The following CCDC7 variants were observed in gnomAD, a reference collection of about 807,000 sequenced individuals.
CCDC7 encodes coiled-coil domain-containing protein 7.
Under a neutral mutation model 196.9 loss-of-function variants are expected in CCDC7, and 183 were observed. That is an observed-to-expected ratio of 0.93 (90% CI 0.82 to 1.05). The LOEUF (loss-of-function observed/expected upper bound fraction) is 1.05. Ranked by LOEUF, CCDC7 falls within the 50% of genes least tolerant of loss-of-function variation. The pLI, the probability that CCDC7 is intolerant of heterozygous loss-of-function variation, is 0.00. For synonymous variants in CCDC7, 525 were observed against 484.6 expected, an observed-to-expected ratio of 1.08 and a Z score of -1.10; for missense variants, 1,540 against 1,482.2, an observed-to-expected ratio of 1.04 and a Z score of -0.64.
intron 13 of CCDC7, among the ~76,000 whole-genome samples, chr10:32,557,658 ATAT>A (rs2054588786): frequency 6.6e-6 from 1 of 152,016 alleles, no homozygotes; most frequent in Admixed American, 6.6e-5. Flanking sequence ...TTAAATTCAG[ATAT>A]TATGATTTTC....
intron 18 of CCDC7, among the ~76,000 whole-genome samples, chr10:32,624,984 GTTTTTTTTTTTTTTTT>G (rs35752534): frequency 1.9e-5 from 1 of 51,660 alleles, no homozygotes; most frequent in African/African-American, 6.2e-5. Context: ...CTTTGCACAA[GTTTTTTTTTTTTTTTT>G]TTTTTTTTTT....
intron 30 of CCDC7, 74 bp from the exon 32 acceptor site, chr10:32,814,296 A>G: frequency 9.9e-7 from 1 of 1,006,074 alleles, no homozygotes; most frequent in Non-Finnish European, 1.6e-6. Context: ...ACATATATGT[A>G]CATGCACTCA....
chr10:32,815,257 G>A (rs2088160834), intron 31 of CCDC7, among the ~76,000 whole-genome samples: 1 of 152,116 alleles, frequency 6.6e-6, no homozygotes, highest in Admixed American at 6.6e-5. Context: ...GCTTGTGAGA[G>A]TCCTACACGT....
At chr10:32,666,984 T>A (rs9418014) in intron 21 of CCDC7, among the ~76,000 whole-genome samples, 51,817 of 151,914 alleles carry the variant, frequency 0.34, 11,259 homozygotes, top group Non-Finnish European at 0.49. Context: ...TAGTTTACAG[T>A]CCCACCAACA....
At chr10:32,572,021 A>C in intron 16 of CCDC7, 128 bp downstream of exon 17, 1 of 861,348 alleles carries the variant, frequency 1.2e-6, no homozygotes, top group Non-Finnish European at 1.6e-6. Context: ...TAAGTAGAAA[A>C]TGTTAGAAAC....
At chr10:32,832,249 C>T (rs778946265) in intron 32 of CCDC7, among the ~76,000 whole-genome samples, 27 of 152,074 alleles carry the variant, frequency 1.8e-4, no homozygotes, top group Admixed American at 4.6e-4. Flanking sequence ...TGCTTGTAAT[C>T]CCAGCACTTT....
chr10:32,876,099 T>C (rs2094589331), intron 41 of CCDC7, among the ~76,000 whole-genome samples: 1 of 151,986 alleles, frequency 6.6e-6, no homozygotes, highest in Non-Finnish European at 1.5e-5. Context: ...TTTAGTAAGT[T>C]GTCTGAGCGA....
At position 32,834,884 on chromosome 10, in the gene CCDC7, CAA is replaced by C. The variant is rs767475218; in HGVS notation, c.3340_3341del (p.Lys1114GlufsTer6). The C allele has an allele frequency of 3.5e-6, 5 of 1,435,224 alleles. No individual in the cohort carries two copies. Among genetic ancestry groups the C allele is most frequent in the African/African-American group, 2.8e-5 (2 of 72,496 alleles). The allele number at this position is 1,435,224 out of a possible 1,614,324, so 88.9% of individuals were successfully genotyped here. A position where few individuals can be genotyped will look rare whatever the true frequency, so the allele number is the denominator to read the frequency against. On this transcript the variant is annotated frameshift_variant, in exon 33 of 42. Transcript: ENST00000639629. LOFTEE classifies it high-confidence loss of function. ...ATAAAGCATCTAATCAACATACAGT[CAA>C]AGAGTCATGGAGGTAAGAACAAGAA... is the stretch of plus-strand genomic sequence containing the variant.
At chr10:32,482,165 G>A (rs2040082366) in intron 8 of CCDC7, among the ~76,000 whole-genome samples, 1 of 148,886 alleles carries the variant, frequency 6.7e-6, no homozygotes, top group Non-Finnish European at 1.5e-5. Context: ...CATAAATCCT[G>A]TAGGCTTTAT....
chr10:32,582,000 A>G (rs558516304), intron 16 of CCDC7, among the ~76,000 whole-genome samples: 26 of 151,322 alleles, frequency 1.7e-4, no homozygotes, highest in Non-Finnish European at 2.8e-4. Flanking sequence ...TTAATTTAGG[A>G]TAGGAAGCCA....
intron 25 of CCDC7, among the ~76,000 whole-genome samples, chr10:32,717,045 A>C (rs527642351): frequency 6.6e-6 from 1 of 152,316 alleles, no homozygotes; most frequent in East Asian, 1.9e-4. Flanking sequence ...ATAGACATCT[A>C]CAGAACTCTC....
At chr10:32,466,138 A>G (rs963287520) in intron 5 of CCDC7, among the ~76,000 whole-genome samples, 24 of 152,112 alleles carry the variant, frequency 1.6e-4, no homozygotes, top group Non-Finnish European at 4.4e-5. Flanking sequence ...TGGAATTTCA[A>G]GTTTTTCAAT....
At position 32,766,788 on chromosome 10, in the gene CCDC7, T is replaced by C. The variant is rs377558211; in HGVS notation, c.2906-12189T>C. On this transcript the variant is annotated intron_variant, in intron 28 of 41. Transcript: ENST00000639629. ...CTCAGGCAGGCCCTGAAAGCACAAGTAAAATATATGATGTGGCCAAATACC... is the reference window on the plus strand; with the variant it reads ...CTCAGGCAGGCCCTGAAAGCACAAGCAAAATATATGATGTGGCCAAATACC... Among the ~76,000 whole-genome samples, 11 of 152,044 alleles carry C rather than the reference T, an allele frequency of 7.2e-5. No individual in the cohort carries two copies. In the East Asian group the frequency reaches 1.6e-3, roughly 21 times the overall value.
chr10:32,463,021 TTCAGTGGCAGGTCAA>T, exon 5 of CCDC7: 2 of 1,613,662 alleles, frequency 1.2e-6, no homozygotes, highest in South Asian at 2.2e-5. Context: ...TTAAAGTGGT[TTCAGTGGCAGGTCAA>T]TCAGATGGAA....
intron 9 of CCDC7, among the ~76,000 whole-genome samples, chr10:32,503,365 A>G (rs1376876437): frequency 6.6e-6 from 1 of 152,104 alleles, no homozygotes; most frequent in African/African-American, 2.4e-5. Context: ...AGGATGTTGA[A>G]TTTTGTCAAA....
At chr10:32,856,063 G>T (rs2504009) in intron 41 of CCDC7, among the ~76,000 whole-genome samples, 149,871 of 152,294 alleles carry the variant, frequency 0.98, 73,786 homozygotes, top group Middle Eastern at 1. Flanking sequence ...ATCTTACACA[G>T]ACAAAAATTA....
chr10:32,645,953 T>G (rs1057068464), intron 20 of CCDC7, among the ~76,000 whole-genome samples: 3 of 152,050 alleles, frequency 2.0e-5, no homozygotes, highest in African/African-American at 7.2e-5. Flanking sequence ...TCTAAAGGTT[T>G]GTCAAGTTTG....
At chr10:32,851,416 AT>A (rs1593446344) in intron 39 of CCDC7, among the ~76,000 whole-genome samples, 1 of 152,078 alleles carries the variant, frequency 6.6e-6, no homozygotes, top group East Asian at 1.9e-4. Context: ...TCTAGTTGAT[AT>A]TTGATGTAAT....
At chr10:32,584,580 AC>A (rs1450800318) in intron 18 of CCDC7, among the ~76,000 whole-genome samples, 6 of 151,488 alleles carry the variant, frequency 4.0e-5, no homozygotes, top group African/African-American at 1.5e-4. Context: ...ACATGATGAA[AC>A]CCTGTCTCTA....
Sources: allele counts gnomAD v4.1 joint callset (sites outside exome capture counted in the v4.1 genomes callset), GRCh38; gene constraint gnomAD v4.1.1; transcripts MANE v1.5; gene names NCBI Gene and HGNC (gene_info 2026-07-23, HGNC 2026-07-21).